The following SHISA8 variants were observed in gnomAD, a reference collection of about 807,000 sequenced individuals.
The protein encoded by SHISA8 is shisa family member 8.
In SHISA8, 21 loss-of-function variants were observed where a neutral mutation model predicts 21.1. That is an observed-to-expected ratio of 0.99 (90% CI 0.71 to 1.43). The LOEUF (loss-of-function observed/expected upper bound fraction) is 1.43. SHISA8 is among the 40% of genes most tolerant of loss of function. The pLI is 0.00. For missense variants in SHISA8, 535 were observed against 599.1 expected (o/e 0.89, Z 1.12); for synonymous variants, 300 against 291.4 (o/e 1.03, Z -0.30).
intron 1 of SHISA8, among the ~76,000 whole-genome samples, chr22:41,913,258 C>CA (rs1240334788): frequency 6.6e-6 from 1 of 152,258 alleles, no homozygotes; most frequent in Non-Finnish European, 1.5e-5. Flanking sequence ...ATGAAGGCTT[C>CA]TCTATGGTCA....
Position 41,909,971 on chromosome 22 carries a change from A to C in SHISA8, c.988T>G (p.Ser330Ala), listed in dbSNP as rs2077536930. 7.0e-7 allele frequency: 1 copy of C among 1,435,364 alleles called. No individual in the cohort carries two copies. Among genetic ancestry groups the C allele is most frequent in the African/African-American group, 1.5e-5 (1 of 66,570 alleles). The allele number at this position is 1,435,364 out of a possible 1,614,324, so 88.9% of individuals were successfully genotyped here. A position where few individuals can be genotyped will look rare whatever the true frequency, so the allele number is the denominator to read the frequency against. ...AAPGPYAAWT[S>A]SRPARPAPLS... ...GGGGCGGGCCGGGCCGGGCGACTGG[A>C]GGTCCAGGCGGCATAGGGGCCCGGC... Residue 330 changes from serine to alanine, a missense_variant, in exon 4 of 4, where the codon TCC (serine) becomes GCC (alanine). Coordinates refer to ENST00000621082, the MANE Select transcript of SHISA8 (RefSeq NM_001207020.3).
chr22:41,910,128 G>C lies in SHISA8; in HGVS notation c.831C>G (p.Phe277Leu). Residue 277 changes from phenylalanine to leucine, a missense_variant, in exon 4 of 4, where the codon TTC becomes TTG. Coordinates refer to ENST00000621082, the MANE Select transcript of SHISA8 (RefSeq NM_001207020.3). This position sits in a 1 kb window ranked among gnomAD's most constrained non-coding sequence, Gnocchi z 6.8. ...GCTCGAGGGCGGGGAAACGCTGACA[G>C]AAGTCCCGCGGGGCGGCCTCTGCGG... is the stretch of plus-strand genomic sequence containing the variant. ...LKAAEAAPRDFCQRFPALEPS... is the reference protein window; with the variant it reads ...LKAAEAAPRDLCQRFPALEPS... The C allele has an allele frequency of 8.1e-7, 1 of 1,238,304 alleles. No individual in the cohort carries two copies. Among genetic ancestry groups the C allele is most frequent in the Middle Eastern group, 3.1e-4 (1 of 3,216 alleles). The allele number at this position is 1,238,304 out of a possible 1,614,324, so 76.7% of individuals were successfully genotyped here. A position where few individuals can be genotyped will look rare whatever the true frequency, so the allele number is the denominator to read the frequency against.
At position 41,910,073 on chromosome 22, in the gene SHISA8, G is replaced by A; in HGVS notation, c.886C>T (p.Pro296Ser). Residue 296 changes from proline (P) to serine (S), a missense_variant, in exon 4 of 4, where the codon CCG becomes TCG. Transcript: ENST00000621082. This position sits in a 1 kb window ranked among gnomAD's most constrained non-coding sequence, Gnocchi z 6.8. The stretch of plus-strand genomic sequence containing the variant: ...GCAGGCAAGTCCGGGGATGGTCGCG[G>A]AGCCCGCGCCGGGGGTTGCCGCGGG... ...PSPRQPPARA[P>S]RPSPDLPAPL... The A allele has an allele frequency of 8.1e-7, 1 of 1,240,818 alleles. No homozygotes were observed. The highest frequency in any genetic ancestry group is 1.6e-5 in the African/African-American group (1 of 64,256). The allele number at this position is 1,240,818 out of a possible 1,614,324, so 76.9% of individuals were successfully genotyped here. A position where few individuals can be genotyped will look rare whatever the true frequency, so the allele number is the denominator to read the frequency against.
At position 41,911,225 on chromosome 22, in the gene SHISA8, TGTG is replaced by T; in HGVS notation, c.652_654del (p.His218del). 1.6e-6 allele frequency: 2 copies of T among 1,282,738 alleles called. No individual in the cohort carries two copies. The highest frequency in any genetic ancestry group is 2.0e-6 in the Non-Finnish European group (2 of 1,015,804). 79.5% of individuals were successfully genotyped at this position (1,282,738 alleles called of 1,614,324 possible). A position where few individuals can be genotyped will look rare whatever the true frequency, so the allele number is the denominator to read the frequency against. ...CCCGCCACCGACTCACCTGCGCTGT[TGTG>T]GGGGGAGCCCCGGGGGAGGCCGTCC... On this transcript the variant is annotated inframe_deletion, in exon 2 of 4. Coordinates refer to ENST00000621082, the MANE Select transcript of SHISA8 (RefSeq NM_001207020.3).
Position 41,911,354 on chromosome 22 carries a change from G to A in SHISA8, c.531-5C>T, listed in dbSNP as rs2077552582. On this transcript the variant is annotated splice_region_variant and splice_polypyrimidine_tract_variant and intron_variant, in intron 1 of 3. Coordinates refer to ENST00000621082, the MANE Select transcript of SHISA8 (RefSeq NM_001207020.3). ...TTCAGAAGCTCTGTCAGCGCCCTGC[G>A]GGGACAGCAGTCAGGGGTGGCCCTC... The A allele has an allele frequency of 4.8e-6, 6 of 1,239,160 alleles. No individual in the cohort carries two copies. The highest frequency in any genetic ancestry group is 1.5e-5 in the African/African-American group (1 of 64,566). The allele number at this position is 1,239,160 out of a possible 1,614,324, so 76.8% of individuals were successfully genotyped here.
At position 41,909,934 on chromosome 22, in the gene SHISA8, G is replaced by C; in HGVS notation, c.1025C>G (p.Pro342Arg). 1.3e-6 allele frequency: 2 copies of C among 1,519,576 alleles called. No homozygotes were observed. The highest frequency in any genetic ancestry group is 2.6e-5 in the East Asian group (1 of 39,190). The allele number at this position is 1,519,576 out of a possible 1,614,324, so 94.1% of individuals were successfully genotyped here. A position where few individuals can be genotyped will look rare whatever the true frequency, so the allele number is the denominator to read the frequency against. ...GGGTACCTGGAAGGCCCGAGCCGTC[G>C]GGTGGCTGAGCGGGGCGGGCCGGGC... Reference protein sequence around the residue: ...RPARPAPLSHPTARAFQVPRR... With the variant: ...RPARPAPLSHRTARAFQVPRR... The change falls in exon 4 of 4, where the codon CCG (proline) becomes CGG (arginine). Residue 342 changes from proline (P) to arginine (R), a missense_variant. Transcript: ENST00000621082.
At chr22:41,911,174 G>T in intron 2 of SHISA8, 42 bp downstream of exon 2, 2 of 1,256,854 alleles carry the variant, frequency 1.6e-6, no homozygotes, top group South Asian at 3.2e-5. Flanking sequence ...ACGCCCCTCC[G>T]CGTGCTCCGC....
In SHISA8 at chr22:41,914,203, G is replaced by C; in HGVS notation, c.465C>G (p.Ala155=). 1 of 1,463,750 alleles carries C rather than the reference G, an allele frequency of 6.8e-7. No individual in the cohort carries two copies. Among genetic ancestry groups the C allele is most frequent in the Non-Finnish European group, 9.0e-7 (1 of 1,117,012 alleles). The allele number at this position is 1,463,750 out of a possible 1,614,324, so 90.7% of individuals were successfully genotyped here. A position where few individuals can be genotyped will look rare whatever the true frequency, so the allele number is the denominator to read the frequency against. The change falls in exon 1 of 4, where the codon GCC becomes GCG. Residue 155 remains alanine (A), a synonymous_variant. Transcript: ENST00000621082. This position sits in a 1 kb window ranked among gnomAD's most constrained non-coding sequence, Gnocchi z 6.8. ...CCAGTCCCAGGCGCGCCCCGATGCC[G>C]GCCAGCACCAGCAGCGCTGCGACGC... The part of the protein sequence containing the change: ...VCGVAALLVL[A]GIGARLGLER...
intron 1 of SHISA8, among the ~76,000 whole-genome samples, chr22:41,911,677 C>T (rs966537978): frequency 2.6e-5 from 4 of 152,180 alleles, no homozygotes; most frequent in Admixed American, 2.0e-4. Flanking sequence ...GCTTTCCTGC[C>T]TCTTCTCCCA....
rs2077550987 is a variant in SHISA8 at position 41,911,219 on chromosome 22, C to T, written c.661G>A (p.Ala221Thr). ...GCCCCGCCCGCCACCGACTCACCTG[C>T]GCTGTTGTGGGGGGAGCCCCGGGGG... Reference protein sequence around the residue: ...GLPRGSPHNSADKKRLNNAPR... With the variant: ...GLPRGSPHNSTDKKRLNNAPR... Residue 221 changes from alanine (A) to threonine (T), a missense_variant, in exon 2 of 4, where the codon GCA becomes ACA. Physicochemically the swap from Ala to Thr is moderately conservative, Grantham distance 58 (BLOSUM62 0). Coordinates refer to ENST00000621082, the MANE Select transcript of SHISA8 (RefSeq NM_001207020.3). 1.6e-6 allele frequency: 2 copies of T among 1,282,226 alleles called. No individual in the cohort carries two copies. Among genetic ancestry groups the T allele is most frequent in the Non-Finnish European group, 2.0e-6 (2 of 1,016,370 alleles). 79.4% of individuals were successfully genotyped at this position (1,282,226 alleles called of 1,614,324 possible).
At position 41,910,266 on chromosome 22, in the gene SHISA8, C is replaced by G. The variant is rs986799390; in HGVS notation, c.812-119G>C. 8.2e-7 allele frequency: 1 copy of G among 1,226,146 alleles called. No individual in the cohort carries two copies. Among genetic ancestry groups the G allele is most frequent in the African/African-American group, 1.6e-5 (1 of 63,690 alleles). The allele number at this position is 1,226,146 out of a possible 1,614,324, so 76.0% of individuals were successfully genotyped here. ...GGGCCGGGGCGGGCCGGGGGCGGGGCCCGCTGGGGCGAGGGAGCCGATTGG... is the reference window on the plus strand; with the variant it reads ...GGGCCGGGGCGGGCCGGGGGCGGGGGCCGCTGGGGCGAGGGAGCCGATTGG... On this transcript the variant is annotated intron_variant, in intron 3 of 3. Transcript: ENST00000621082. This position sits in a 1 kb window ranked among gnomAD's most constrained non-coding sequence, Gnocchi z 6.8.
At chr22:41,912,987 A>G (rs917543396) in intron 1 of SHISA8, among the ~76,000 whole-genome samples, 1 of 152,124 alleles carries the variant, frequency 6.6e-6, no homozygotes, top group African/African-American at 2.4e-5. Context: ...CTCACCCATC[A>G]TGGGGGACCC....
intron 1 of SHISA8, among the ~76,000 whole-genome samples, chr22:41,912,028 G>A (rs934236868): frequency 6.6e-6 from 1 of 152,236 alleles, no homozygotes; most frequent in Non-Finnish European, 1.5e-5. Flanking sequence ...ACCGCGCCCG[G>A]CCCAGGATGC....
intron 1 of SHISA8, 76 bp from the exon 2 acceptor site, chr22:41,911,425 C>T (rs992897222): frequency 9.8e-6 from 12 of 1,229,432 alleles, no homozygotes; most frequent in Non-Finnish European, 1.2e-5. Flanking sequence ...CACCGTCTCA[C>T]CGTGTGGCCC....
Position 41,910,309 on chromosome 22 carries a change from G to A in SHISA8, c.811+99C>T, listed in dbSNP as rs2077540562. The A allele has an allele frequency of 8.1e-7, 1 of 1,241,874 alleles. No homozygotes were observed. Among genetic ancestry groups the A allele is most frequent in the Non-Finnish European group, 1.0e-6 (1 of 991,640 alleles). The allele number at this position is 1,241,874 out of a possible 1,614,324, so 76.9% of individuals were successfully genotyped here. A position where few individuals can be genotyped will look rare whatever the true frequency, so the allele number is the denominator to read the frequency against. ...CCGATTGGCCGAGCGGCGGGCGCGCGGAACTGGGAATTTGGCGCTTGGAGC... is the reference window on the plus strand; with the variant it reads ...CCGATTGGCCGAGCGGCGGGCGCGCAGAACTGGGAATTTGGCGCTTGGAGC... On this transcript the variant is annotated intron_variant, in intron 3 of 3. Coordinates refer to ENST00000621082, the MANE Select transcript of SHISA8 (RefSeq NM_001207020.3). The surrounding 1 kb of genome is among the most constrained non-coding windows in gnomAD (Gnocchi z 6.8).
chr22:41,910,304 C>T lies in SHISA8; in HGVS notation c.811+104G>A. On this transcript the variant is annotated intron_variant, in intron 3 of 3. Coordinates refer to ENST00000621082, the MANE Select transcript of SHISA8 (RefSeq NM_001207020.3). The surrounding 1 kb of genome is among the most constrained non-coding windows in gnomAD (Gnocchi z 6.8). ...GGGAGCCGATTGGCCGAGCGGCGGG[C>T]GCGCGGAACTGGGAATTTGGCGCTT... 1 of 1,236,894 alleles carries T rather than the reference C, an allele frequency of 8.1e-7. No homozygotes were observed. Among genetic ancestry groups the T allele is most frequent in the Non-Finnish European group, 1.0e-6 (1 of 988,690 alleles). 76.6% of individuals were successfully genotyped at this position (1,236,894 alleles called of 1,614,324 possible). A position where few individuals can be genotyped will look rare whatever the true frequency, so the allele number is the denominator to read the frequency against.
Position 41,910,840 on chromosome 22 carries a change from C to G in SHISA8, c.665-286G>C, listed in dbSNP as rs1236886534. On this transcript the variant is annotated intron_variant, in intron 2 of 3. Coordinates refer to ENST00000621082, the MANE Select transcript of SHISA8 (RefSeq NM_001207020.3). This position sits in a 1 kb window ranked among gnomAD's most constrained non-coding sequence, Gnocchi z 6.8. The stretch of plus-strand genomic sequence containing the variant: ...CGAGCCAGGCGCGGAGTCCTGGGAC[C>G]TGCTCCCGCCGAGACGGGGGATGTC... 6.6e-6 allele frequency among the ~76,000 whole-genome samples: 1 copy of G among 152,096 alleles called. No individual in the cohort carries two copies. The highest frequency in any genetic ancestry group is 2.4e-5 in the African/African-American group (1 of 41,434).
chr22:41,909,918 G>A lies in SHISA8; in HGVS notation c.1041C>T (p.Phe347=), dbSNP rs1240570662. The stretch of plus-strand genomic sequence containing the variant: ...CGTGCCCGGGTCGCCGGGGTACCTG[G>A]AAGGCCCGAGCCGTCGGGTGGCTGA... ...APLSHPTARA[F]QVPRRPGHAA... Residue 347 remains phenylalanine (F), a synonymous_variant, in exon 4 of 4, where the codon TTC becomes TTT. Coordinates refer to ENST00000621082, the MANE Select transcript of SHISA8 (RefSeq NM_001207020.3). 1.3e-6 allele frequency: 2 copies of A among 1,526,088 alleles called. No individual in the cohort carries two copies. Among genetic ancestry groups the A allele is most frequent in the African/African-American group, 2.8e-5 (2 of 72,086 alleles). 94.5% of individuals were successfully genotyped at this position (1,526,088 alleles called of 1,614,324 possible).
In SHISA8 at chr22:41,911,250, G is replaced by A. The variant is rs1293981033; in HGVS notation, c.630C>T (p.Asp210=). ...LGGCVQVQMG[D]GLPRGSPHNS... is the part of the protein sequence containing the mutation. ...TGTGGGGGGAGCCCCGGGGGAGGCC[G>A]TCCCCCATCTGCACCTGGACACAGC... Residue 210 remains aspartate, a synonymous_variant, in exon 2 of 4, where the codon GAC becomes GAT. Transcript: ENST00000621082. 7.8e-7 allele frequency: 1 copy of A among 1,283,066 alleles called. No homozygotes were observed. Among genetic ancestry groups the A allele is most frequent in the Non-Finnish European group, 9.9e-7 (1 of 1,015,214 alleles). 79.5% of individuals were successfully genotyped at this position (1,283,066 alleles called of 1,614,324 possible). A position where few individuals can be genotyped will look rare whatever the true frequency, so the allele number is the denominator to read the frequency against.
Sources: allele counts gnomAD v4.1 joint callset (sites outside exome capture counted in the v4.1 genomes callset), GRCh38; gene constraint gnomAD v4.1.1; non-coding constraint Gnocchi (gnomAD v3.1); transcripts MANE v1.5; gene names NCBI Gene and HGNC (gene_info 2026-07-23, HGNC 2026-07-21).